Variants in SLC25A19 observed in about 807,000 individuals in gnomAD.
SLC25A19 encodes mitochondrial thiamine pyrophosphate carrier.
Under a neutral mutation model 27.9 loss-of-function variants are expected in SLC25A19, and 18 were observed. The ratio of observed to expected loss-of-function variants is 0.64; its 90% CI spans 0.45 to 0.96. The LOEUF is 0.96. Among genes scored for constraint, SLC25A19 ranks in the 40% least tolerant of loss-of-function variants. The probability of loss-of-function intolerance (pLI) is 0.00; values close to 1 mark genes in which losing one functional copy is unlikely to be tolerated. For missense variants in SLC25A19, 371 were observed against 418.3 expected (o/e 0.89, Z 0.99); for synonymous variants, 169 against 167.1 (o/e 1.01, Z -0.09).
rs2078176301 is a variant in SLC25A19, at chr17:75,286,211, CCCTGCGCGGCATT to C, written c.288+80_288+92del. ...CGTGGGGCCTGCCTCTTCCGTCCTGCCCTGCGCGGCATTCCTGCTTGCCTCACCCTCCCTCTGC... is the reference window on the plus strand; with the variant it reads ...CGTGGGGCCTGCCTCTTCCGTCCTGCCCTGCTTGCCTCACCCTCCCTCTGC... On this transcript the variant is annotated intron_variant, in intron 4 of 7. Transcript: ENST00000416858. 7 of 1,506,076 alleles carry C rather than the reference CCCTGCGCGGCATT, an allele frequency of 4.6e-6. No homozygotes were observed. The Admixed American group carries it at 8.4e-5, about 18-fold the overall frequency. The allele number at this position is 1,506,076 out of a possible 1,614,324, so 93.3% of individuals were successfully genotyped here.
At position 75,277,426 on chromosome 17, in the gene SLC25A19, G is replaced by A; in HGVS notation, c.701C>T (p.Thr234Ile). 1 of 1,614,160 alleles carries A rather than the reference G, an allele frequency of 6.2e-7. No individual in the cohort carries two copies. The highest frequency in any genetic ancestry group is 1.3e-5 in the African/African-American group (1 of 75,058). Residue 234 changes from threonine (T) to isoleucine (I), a missense_variant, in exon 7 of 8, where the codon ACA becomes ATA. Transcript: ENST00000416858. The stretch of plus-strand genomic sequence containing the variant: ...CTTCTTGAAGAGGTCCAGCGGATAT[G>A]TCAGGGTCTTGCTGATGACACCAGC... ...SGAGVISKTLTYPLDLFKKRL... is the reference protein window; with the variant it reads ...SGAGVISKTLIYPLDLFKKRL...
In SLC25A19 at chr17:75,286,438, G is replaced by A. The variant is rs755619240; in HGVS notation, c.154C>T (p.Arg52Cys). 9.3e-6 allele frequency: 15 copies of A among 1,614,126 alleles called. No individual in the cohort carries two copies. The highest frequency in any genetic ancestry group is 6.7e-5 in the East Asian group (3 of 44,888). Residue 52 changes from arginine (R) to cysteine (C), a missense_variant, in exon 4 of 8, where the codon CGC (arginine) becomes TGC (cysteine). Physicochemically the swap from Arg to Cys is radical, Grantham distance 180. Coordinates refer to ENST00000416858, the MANE Select transcript of SLC25A19 (RefSeq NM_001126121.2). ...TGGTACTTTGCGCTGGGGTCACTGCGAGACAGGCGCTCATGCTGAAGCTAG... is the reference window on the plus strand; with the variant it reads ...TGGTACTTTGCGCTGGGGTCACTGCAAGACAGGCGCTCATGCTGAAGCTAG... ...RFQLQHERLS[R>C]SDPSAKYHGI...
rs1378797811 is a variant in SLC25A19 at position 75,283,599 on chromosome 17, A to G, written c.289-6T>C. ...AGCATTTCAAATGACAAGAACTGCA[A>G]GAGTAAGTGAAGAAGTCACCGACAG... On this transcript the variant is annotated splice_polypyrimidine_tract_variant and splice_region_variant and intron_variant, in intron 4 of 7. Transcript: ENST00000416858. 5 of 1,612,634 alleles carry G rather than the reference A, an allele frequency of 3.1e-6. No individual in the cohort carries two copies. The highest frequency in any genetic ancestry group is 4.2e-6 in the Non-Finnish European group (5 of 1,179,322).
At chr17:75,276,849 GT>G (rs377387748) in intron 7 of SLC25A19, among the ~76,000 whole-genome samples, 102,706 of 133,974 alleles carry the variant, frequency 0.77, 40,600 homozygotes, top group East Asian at 0.98. Context: ...TAATTTTTTT[GT>G]TTTTTTTTTT....
intron 7 of SLC25A19, among the ~76,000 whole-genome samples, chr17:75,274,869 G>A (rs143661743): frequency 8.6e-5 from 13 of 150,372 alleles, no homozygotes; most frequent in African/African-American, 2.2e-4. Context: ...CAGTGTATCC[G>A]TATTTTTGTT....
chr17:75,274,973 C>CTT (rs67040059), intron 7 of SLC25A19, among the ~76,000 whole-genome samples: 1,814 of 47,310 alleles, frequency 0.038, 154 homozygotes, highest in East Asian at 0.067. Context: ...GGATTTTGGT[C>CTT]TTTTTTTTTT....
intron 7 of SLC25A19, among the ~76,000 whole-genome samples, chr17:75,276,450 A>G (rs1470185804): frequency 6.7e-6 from 1 of 150,358 alleles, no homozygotes; most frequent in East Asian, 2.0e-4. Context: ...TCCCTGTAAC[A>G]TCCACCTCTC....
At chr17:75,285,540 C>T (rs184826607) in intron 4 of SLC25A19, among the ~76,000 whole-genome samples, 37 of 152,356 alleles carry the variant, frequency 2.4e-4, no homozygotes, top group Non-Finnish European at 2.9e-4. Context: ...CTTGGGCGGT[C>T]ACTGTGATGT....
At chr17:75,276,727 T>C (rs1186369339) in intron 7 of SLC25A19, among the ~76,000 whole-genome samples, 7 of 147,942 alleles carry the variant, frequency 4.7e-5, no homozygotes, top group Admixed American at 2.0e-4. Context: ...CAGGCTGGAG[T>C]GCAGTGGCGC....
rs562233396 is a variant in SLC25A19, at chr17:75,273,110, C to G, written c.*341G>C. The G allele has an allele frequency of 2.4e-5, 9 of 379,924 alleles. No homozygotes were observed. The East Asian group carries it at 5.0e-4, about 21-fold the overall frequency. 23.5% of individuals were successfully genotyped at this position (379,924 alleles called of 1,614,324 possible). A position where few individuals can be genotyped will look rare whatever the true frequency, so the allele number is the denominator to read the frequency against. On this transcript the variant is annotated 3_prime_UTR_variant, in exon 8 of 8. Transcript: ENST00000416858. ...CACTCAAGCAGCAGCCCCATCCAGA[C>G]CAGGAGTGTGTTCTGTTCTCCTGGC... is the stretch of plus-strand genomic sequence containing the variant.
rs776356552 is a variant in SLC25A19, at chr17:75,284,633, C to CATT, written c.289-1041_289-1040insAAT. On this transcript the variant is annotated intron_variant, in intron 4 of 7. Coordinates refer to ENST00000416858, the MANE Select transcript of SLC25A19 (RefSeq NM_001126121.2). ...GTGACCCCCTTACATTCAGATCTTT[C>CATT]TTTTTTTTTTTTTTTTTTTTTTTTT... Among the ~76,000 whole-genome samples the CATT allele has an allele frequency of 6.0e-3, 676 of 112,288 alleles. 62 individuals carry two copies. Among genetic ancestry groups the CATT allele is most frequent in the Middle Eastern group, 0.023 (5 of 218 alleles). The allele number at this position is 112,288 out of a possible 152,430, so 73.7% of individuals were successfully genotyped here.
chr17:75,286,854 G>A, intron 2 of SLC25A19, 52 bp from the exon 3 acceptor site: 2 of 1,537,738 alleles, frequency 1.3e-6, no homozygotes, highest in Non-Finnish European at 1.8e-6. Context: ...TATGGTCTCT[G>A]CTCAAATATC....
At chr17:75,278,060 G>A (rs1430754666) in intron 6 of SLC25A19, 92 bp downstream of exon 6, 68 of 1,416,842 alleles carry the variant, frequency 4.8e-5, no homozygotes, top group Middle Eastern at 2.4e-4. Flanking sequence ...TCTTTGATTC[G>A]GACAGGAGAA....
chr17:75,282,418 C>G (rs559219522), intron 5 of SLC25A19, among the ~76,000 whole-genome samples: 1 of 152,182 alleles, frequency 6.6e-6, no homozygotes, highest in Admixed American at 6.5e-5. Flanking sequence ...GGCATGATGG[C>G]AGGCGCCTGT....
intron 7 of SLC25A19, among the ~76,000 whole-genome samples, chr17:75,274,377 C>T (rs2077810733): frequency 6.6e-6 from 1 of 152,204 alleles, no homozygotes; most frequent in African/African-American, 2.4e-5. Flanking sequence ...CATTCATCCC[C>T]AGGCACAACC....
At chr17:75,286,551 A>C in intron 3 of SLC25A19, 82 bp downstream of exon 3, 1 of 1,613,970 alleles carries the variant, frequency 6.2e-7, no homozygotes, top group Non-Finnish European at 8.5e-7. Context: ...ATCTGGATAG[A>C]ATTCCAAGTT....
intron 4 of SLC25A19, among the ~76,000 whole-genome samples, chr17:75,285,919 TCTC>T (rs1303156434): frequency 6.6e-6 from 1 of 152,112 alleles, no homozygotes; most frequent in Non-Finnish European, 1.5e-5. Context: ...ACAGCTGACT[TCTC>T]CTCCCTGAGA....
intron 7 of SLC25A19, among the ~76,000 whole-genome samples, chr17:75,276,231 T>G (rs531549310): frequency 7.2e-5 from 11 of 152,232 alleles, no homozygotes; most frequent in Admixed American, 4.6e-4. Context: ...GCCGAGATCG[T>G]GCCATTGCAC....
chr17:75,275,525 C>T (rs1422656993), intron 7 of SLC25A19, among the ~76,000 whole-genome samples: 2 of 152,110 alleles, frequency 1.3e-5, no homozygotes, highest in East Asian at 3.9e-4. Context: ...CCATCCTTAG[C>T]CTACCCCTAA....
Sources: allele counts gnomAD v4.1 joint callset (sites outside exome capture counted in the v4.1 genomes callset), GRCh38; gene constraint gnomAD v4.1.1; transcripts MANE v1.5; gene names NCBI Gene and HGNC (gene_info 2026-07-23, HGNC 2026-07-21).